Variants in NOTCH3 observed in about 807,000 individuals in gnomAD.
The protein encoded by NOTCH3 is notch receptor 3.
A neutral mutation model predicts 213.3 loss-of-function variants in NOTCH3; 86 were observed. The ratio of observed to expected loss-of-function variants is 0.40; its 90% confidence interval spans 0.34 to 0.48. The LOEUF (loss-of-function observed/expected upper bound fraction) is 0.48, where lower values mean the gene tolerates loss of function less well. Among genes scored for constraint, NOTCH3 ranks in the 20% least tolerant of loss-of-function variants. The pLI is 0.57. For synonymous variants in NOTCH3, 1,354 were observed against 1,355.9 expected (o/e 1.00, Z 0.03); for missense variants, 2,783 against 3,272.6 (o/e 0.85, Z 3.65).
chr19:15,180,017 G>A, intron 20 of NOTCH3, 55 bp downstream of exon 20: 1 of 1,244,698 alleles, frequency 8.0e-7, no homozygotes, highest in Non-Finnish European at 1.2e-6. Context: ...TGTGTGCCCA[G>A]ACGCACCCAA....
In NOTCH3 at chr19:15,185,723, G is replaced by A. The variant is rs1599387558; in HGVS notation, c.1952-44C>T. The A allele has an allele frequency of 6.2e-7, 1 of 1,600,336 alleles. No individual in the cohort carries two copies. The highest frequency in any genetic ancestry group is 8.5e-7 in the Non-Finnish European group (1 of 1,172,148). On this transcript the variant is annotated intron_variant, in intron 12 of 32. Transcript: ENST00000263388. The surrounding 1 kb of genome is among the most constrained non-coding windows in gnomAD (Gnocchi z 4.2). ...ATCTCATCTCAGAACAAAGTCAGCA[G>A]GGACAACCAGGGAGGGACGACGTGA...
intron 25 of NOTCH3, among the ~76,000 whole-genome samples, chr19:15,172,784 G>C (rs10426843): frequency 0.9 from 135,968 of 150,944 alleles, 61,550 homozygotes; most frequent in African/African-American, 0.97. Context: ...TCATGCCTCA[G>C]CCTCCTGAGT....
intron 17 of NOTCH3, 98 bp from the exon 18 acceptor site, chr19:15,181,260 T>A: frequency 9.0e-7 from 1 of 1,109,646 alleles, no homozygotes; most frequent in Non-Finnish European, 1.3e-6. Context: ...GACGTCCCAC[T>A]CCCTGACCCT....
intron 28 of NOTCH3, among the ~76,000 whole-genome samples, chr19:15,168,086 C>CAGTATA (rs1229575576): frequency 2.0e-5 from 3 of 152,058 alleles, no homozygotes; most frequent in Non-Finnish European, 4.4e-5. Context: ...TATAAGCACA[C>CAGTATA]AGTATAAGCA....
chr19:15,165,867 C>A lies in NOTCH3; in HGVS notation c.5587G>T (p.Ala1863Ser). The A allele has an allele frequency of 6.2e-6, 10 of 1,614,026 alleles. No homozygotes were observed. The highest frequency in any genetic ancestry group is 1.7e-4 in the Middle Eastern group (1 of 6,060). The change falls in exon 30 of 33, where the codon GCA becomes TCA. Residue 1863 changes from alanine to serine, a missense_variant. Coordinates refer to ENST00000263388, the MANE Select transcript of NOTCH3 (RefSeq NM_000435.3). The surrounding 1 kb of genome is among the most constrained non-coding windows in gnomAD (Gnocchi z 4.7). ...DAAKRLLDAGADTNAQDHSGR... is the reference protein window; with the variant it reads ...DAAKRLLDAGSDTNAQDHSGR... The stretch of plus-strand genomic sequence containing the variant: ...GAGTGGTCCTGGGCATTGGTGTCTG[C>A]CCCAGCATCCAGCAGCCGCTTGGCT...
At chr19:15,173,063 T>TTCC (rs1568351234) in intron 25 of NOTCH3, among the ~76,000 whole-genome samples, 32 of 1,934 alleles carry the variant, frequency 0.017, no homozygotes, top group African/African-American at 0.046. Context: ...CCTCTTCTTC[T>TTCC]TCTTCTTCTT....
At position 15,189,135 on chromosome 19, in the gene NOTCH3, G is replaced by A. The variant is rs1555729077; in HGVS notation, c.1232C>T (p.Thr411Met). The A allele has an allele frequency of 2.5e-6, 4 of 1,613,292 alleles. No homozygotes were observed. The highest frequency in any genetic ancestry group is 1.7e-5 in the Admixed American group (1 of 60,012). Residue 411 changes from threonine to methionine, a missense_variant, in exon 8 of 33, where the codon ACG (threonine) becomes ATG (methionine). Transcript: ENST00000263388. ...GCACTGGCACAGGAAGGAGCCCTGCGTGTTCACGCACCTGCCCAAGTGCTC... is the reference window on the plus strand; with the variant it reads ...GCACTGGCACAGGAAGGAGCCCTGCATGTTCACGCACCTGCCCAAGTGCTC... ...PCEHLGRCVN[T>M]QGSFLCQCGR...
chr19:15,177,637 G>A lies in NOTCH3; in HGVS notation c.4291C>T (p.Leu1431=). ...TTGTTGAAGAGGCGCCAGCACTGCA[G>A]CGCCTCGCATTGCCGCCAGGGGTCG... The part of the protein sequence containing the change: ...VGDPWRQCEA[L]QCWRLFNNSR... The change falls in exon 24 of 33, where the codon CTG becomes TTG. Residue 1431 remains leucine, a synonymous_variant. Coordinates refer to ENST00000263388, the MANE Select transcript of NOTCH3 (RefSeq NM_000435.3). 1 of 1,574,108 alleles carries A rather than the reference G, an allele frequency of 6.4e-7. No individual in the cohort carries two copies. Among genetic ancestry groups the A allele is most frequent in the Non-Finnish European group, 8.6e-7 (1 of 1,165,056 alleles).
intron 2 of NOTCH3, among the ~76,000 whole-genome samples, chr19:15,193,426 T>C (rs2046945345): frequency 6.6e-6 from 1 of 151,862 alleles, no homozygotes; most frequent in Non-Finnish European, 1.5e-5. Context: ...AAATGAGAGA[T>C]GTCAAGATGA....
intron 10 of NOTCH3, 106 bp from the exon 11 acceptor site, chr19:15,187,444 A>C: frequency 1.0e-6 from 1 of 972,550 alleles, no homozygotes; most frequent in Non-Finnish European, 1.5e-6. Context: ...CTGCCCATCA[A>C]GCTGTCAGGA....
chr19:15,195,384 C>G (rs2145448121), intron 2 of NOTCH3, among the ~76,000 whole-genome samples: 1 of 152,172 alleles, frequency 6.6e-6, no homozygotes, highest in Non-Finnish European at 1.5e-5. Flanking sequence ...CCAAGGGGCA[C>G]TAGCGGGGTC....
In NOTCH3 at chr19:15,185,421, G is replaced by A. The variant is rs558570430; in HGVS notation, c.2145-13C>T. ...CACACAGCGGAACCTGGCAGGGGAA[G>A]GTAGTCAGGCCAGGGAGGTGGGCCA... On this transcript the variant is annotated splice_polypyrimidine_tract_variant and intron_variant, in intron 13 of 32. Coordinates refer to ENST00000263388, the MANE Select transcript of NOTCH3 (RefSeq NM_000435.3). This position sits in a 1 kb window ranked among gnomAD's most constrained non-coding sequence, Gnocchi z 4.2. The A allele has an allele frequency of 1.2e-6, 2 of 1,612,006 alleles. No homozygotes were observed. Among genetic ancestry groups the A allele is most frequent in the Middle Eastern group, 1.7e-4 (1 of 6,022 alleles).
In NOTCH3 at chr19:15,177,759, G is replaced by T. The variant is rs1367618308; in HGVS notation, c.4169C>A (p.Ala1390Asp). 3.6e-6 allele frequency: 5 copies of T among 1,388,520 alleles called. No homozygotes were observed. The highest frequency in any genetic ancestry group is 1.5e-5 in the African/African-American group (1 of 65,598). 86.0% of individuals were successfully genotyped at this position (1,388,520 alleles called of 1,614,324 possible). ...EVSEEPRCPR[A>D]ACQAKRGDQR... The stretch of plus-strand genomic sequence containing the variant: ...GTCCCCGCGCTTGGCCTGGCAGGCG[G>T]CGCGCGGGCACCGCGGCTCCTCCGA... The change falls in exon 24 of 33, where the codon GCC (alanine) becomes GAC (aspartate). Residue 1390 changes from alanine to aspartate, a missense_variant. Coordinates refer to ENST00000263388, the MANE Select transcript of NOTCH3 (RefSeq NM_000435.3).
intron 31 of NOTCH3, among the ~76,000 whole-genome samples, chr19:15,162,882 C>G (rs1476308325): frequency 6.6e-6 from 1 of 151,970 alleles, no homozygotes. Context: ...ATACAGTAGT[C>G]AGTCACATGT....
In NOTCH3 at chr19:15,189,218, C is replaced by T. The variant is rs779379952; in HGVS notation, c.1193-44G>A. 3.7e-6 allele frequency: 6 copies of T among 1,613,230 alleles called. No homozygotes were observed. In the South Asian group the frequency reaches 5.5e-5, roughly 15 times the overall value. On this transcript the variant is annotated intron_variant, in intron 7 of 32. Transcript: ENST00000263388. ...TCGGTGTGGGCGTGGCTGGCCGGGA[C>T]CCCCTCCTCTCCCCTCTTTCCCAGC...
At chr19:15,171,756 CG>C (rs1568350596) in intron 25 of NOTCH3, among the ~76,000 whole-genome samples, 5 of 152,188 alleles carry the variant, frequency 3.3e-5, no homozygotes, top group Non-Finnish European at 5.9e-5. Flanking sequence ...CTGCAACCTC[CG>C]ACTCCCTGGT....
Position 15,189,077 on chromosome 19 carries a change from G to A in NOTCH3, c.1290C>T (p.Thr430=), listed in dbSNP as rs2145436236. The A allele has an allele frequency of 3.7e-6, 6 of 1,613,158 alleles. No homozygotes were observed. The highest frequency in any genetic ancestry group is 5.1e-6 in the Non-Finnish European group (6 of 1,180,036). ...GRGYTGPRCE[T]DVNECLSGPC... ...GCCCCGACAGACACTCGTTGACATC[G>A]GTCTCACAGCGAGGTCCAGTGTAGC... The change falls in exon 8 of 33, where the codon ACC becomes ACT. Residue 430 remains threonine (T), a synonymous_variant. Coordinates refer to ENST00000263388, the MANE Select transcript of NOTCH3 (RefSeq NM_000435.3).
Position 15,172,053 on chromosome 19 carries a change from C to T in NOTCH3, c.4737-1228G>A, listed in dbSNP as rs548212539. ...CTGGGATTACAGGCATGCGCCACCACGCCCCAGTAATTTTGTATTTTTAGT... is the reference window on the plus strand; with the variant it reads ...CTGGGATTACAGGCATGCGCCACCATGCCCCAGTAATTTTGTATTTTTAGT... On this transcript the variant is annotated intron_variant, in intron 25 of 32. Transcript: ENST00000263388. Among the ~76,000 whole-genome samples, 16 of 152,302 alleles carry T rather than the reference C, an allele frequency of 1.1e-4. No homozygotes were observed. In the South Asian group the frequency reaches 1.7e-3, roughly 16 times the overall value.
At position 15,197,571 on chromosome 19, in the gene NOTCH3, A is replaced by T; in HGVS notation, c.126T>A (p.Pro42=). ...TTGCACACGGGCTTCCGTCCAGGCA[A>T]GGGGGGGCTGTGTGGGGGTGAAGGA... ...LLAGPGAAAP[P]CLDGSPCANG... is the part of the protein sequence containing the mutation. The change falls in exon 2 of 33, where the codon CCT becomes CCA. Residue 42 remains proline (P), a synonymous_variant. Coordinates refer to ENST00000263388, the MANE Select transcript of NOTCH3 (RefSeq NM_000435.3). The T allele has an allele frequency of 2.5e-6, 4 of 1,611,416 alleles. No individual in the cohort carries two copies. The highest frequency in any genetic ancestry group is 2.2e-5 in the East Asian group (1 of 44,854).
Sources: gnomAD v4.1 joint callset for allele counts (sites outside exome capture counted in the v4.1 genomes callset) on GRCh38, gnomAD v4.1.1 for gene constraint, Gnocchi (gnomAD v3.1) non-coding constraint, MANE v1.5 for transcripts, NCBI Gene and HGNC (gene_info 2026-07-23, HGNC 2026-07-21) for gene names.